The following WDR88 variants were observed in gnomAD, a reference collection of about 807,000 sequenced individuals.
WDR88 encodes WD repeat-containing protein 88.
A neutral mutation model predicts 46.8 loss-of-function variants in WDR88; 40 were observed. The observed-to-expected ratio is 0.86, with a 90% CI of 0.66 to 1.11. The LOEUF (loss-of-function observed/expected upper bound fraction) is 1.11, where lower values mean the gene tolerates loss of function less well. WDR88 is among the 50% of genes most tolerant of loss of function. The pLI, the probability that WDR88 is intolerant of heterozygous loss-of-function variation, is 0.00. For synonymous variants in WDR88, 235 were observed against 240.7 expected (o/e 0.98, Z 0.22); for missense variants, 562 against 602.4 (o/e 0.93, Z 0.70).
intron 8 of WDR88, 21 bp downstream of exon 8, chr19:33,160,517 A>AT: frequency 6.2e-7 from 1 of 1,613,538 alleles, no homozygotes; most frequent in Non-Finnish European, 8.5e-7. Flanking sequence ...CCAGCATGAG[A>AT]TTGAGGATCT....
At chr19:33,164,394 G>A (rs1973920823) in intron 9 of WDR88, 129 bp downstream of exon 9, 3 of 792,108 alleles carry the variant, frequency 3.8e-6, no homozygotes, top group Non-Finnish European at 4.4e-6. Context: ...TCGTGTTCAC[G>A]GAGCTGCCTG....
intron 8 of WDR88, among the ~76,000 whole-genome samples, chr19:33,160,854 T>C (rs967161960): frequency 1.3e-5 from 2 of 151,836 alleles, no homozygotes; most frequent in African/African-American, 4.8e-5. Context: ...AACCCTGAGG[T>C]GGGAGTGTCT....
chr19:33,137,459 G>A (rs554284931), intron 1 of WDR88, among the ~76,000 whole-genome samples: 2 of 151,998 alleles, frequency 1.3e-5, no homozygotes, highest in Admixed American at 6.6e-5. Flanking sequence ...TGCCATGTTG[G>A]CCAGGCTGGT....
intron 2 of WDR88, among the ~76,000 whole-genome samples, chr19:33,143,285 T>TA (rs1473150672): frequency 7.7e-6 from 1 of 129,880 alleles, no homozygotes; most frequent in African/African-American, 3.1e-5. Flanking sequence ...CAGTGAGCCA[T>TA]AATTGCACCA....
In WDR88 at chr19:33,132,285, C is replaced by T; in HGVS notation, c.116C>T (p.Ala39Val). Reference protein sequence around the residue: ...CPGKLSWGTMARALGRFKLSI... With the variant: ...CPGKLSWGTMVRALGRFKLSI... ...GGCAAGCTGTCCTGGGGGACCATGG[C>T]GAGGGCCTTAGGCCGCTTCAAGCTG... Residue 39 changes from alanine (A) to valine (V), a missense_variant, in exon 1 of 11, where the codon GCG becomes GTG. Transcript: ENST00000355868. The T allele has an allele frequency of 1.9e-6, 3 of 1,613,626 alleles. No homozygotes were observed. Among genetic ancestry groups the T allele is most frequent in the African/African-American group, 1.3e-5 (1 of 75,064 alleles).
intron 7 of WDR88, among the ~76,000 whole-genome samples, chr19:33,158,449 A>G (rs940683478): frequency 3.9e-5 from 6 of 152,166 alleles, no homozygotes; most frequent in African/African-American, 9.7e-5. Flanking sequence ...AAGAAAGAAA[A>G]AAAAAAGAAT....
chr19:33,162,629 A>C (rs906604940), intron 8 of WDR88, among the ~76,000 whole-genome samples: 1 of 152,122 alleles, frequency 6.6e-6, no homozygotes, highest in African/African-American at 2.4e-5. Context: ...AGGGCCTCTG[A>C]GGGGTATTTC....
At chr19:33,169,579 A>T (rs1389404850) in intron 9 of WDR88, among the ~76,000 whole-genome samples, 1 of 151,662 alleles carries the variant, frequency 6.6e-6, no homozygotes, top group African/African-American at 2.4e-5. Context: ...TAATAAAAGA[A>T]CTCAGAAAAT....
In WDR88 at chr19:33,164,262, C is replaced by G. The variant is rs562947644; in HGVS notation, c.1146C>G (p.Ser382=). The G allele has an allele frequency of 1.2e-6, 2 of 1,613,802 alleles. No homozygotes were observed. The highest frequency in any genetic ancestry group is 2.7e-5 in the African/African-American group (2 of 75,048). ...ACAAGAAATGGATCCTGTCTGCTTC[C>G]AAGGTAAAAGTGGTCAAGCTTACAA... ...SNNKKWILSA[S]KDRTMRLWNI... is the part of the protein sequence containing the mutation. The change falls in exon 9 of 11, where the codon TCC becomes TCG. Residue 382 remains serine (S), a synonymous_variant. Transcript: ENST00000355868.
chr19:33,152,610 T>C (rs930795004), intron 6 of WDR88, among the ~76,000 whole-genome samples: 4 of 152,150 alleles, frequency 2.6e-5, no homozygotes, highest in Admixed American at 2.6e-4. Flanking sequence ...TCATTCCTTT[T>C]TTTTCCTTTG....
At chr19:33,158,745 G>A (rs1599905921) in intron 7 of WDR88, among the ~76,000 whole-genome samples, 1 of 152,304 alleles carries the variant, frequency 6.6e-6, no homozygotes, top group East Asian at 1.9e-4. Flanking sequence ...TGTTGCCCAG[G>A]CTGGAGCGCA....
chr19:33,167,166 C>T (rs1380989521), intron 9 of WDR88, among the ~76,000 whole-genome samples: 1 of 151,910 alleles, frequency 6.6e-6, no homozygotes, highest in African/African-American at 2.4e-5. Context: ...ATATGCTCAA[C>T]ATAATATTGG....
chr19:33,163,609 C>T (rs1230648581), intron 8 of WDR88, among the ~76,000 whole-genome samples: 6 of 151,366 alleles, frequency 4.0e-5, no homozygotes, highest in South Asian at 2.1e-4. Context: ...TTGATGAAAC[C>T]GAGGAAGTAC....
intron 4 of WDR88, among the ~76,000 whole-genome samples, 187 bp from the exon 5 acceptor site, chr19:33,148,585 C>T (rs949705846): frequency 6.6e-5 from 10 of 152,042 alleles, no homozygotes; most frequent in African/African-American, 9.7e-5. Flanking sequence ...GGACTACAGG[C>T]GAGCACCGCC....
intron 6 of WDR88, among the ~76,000 whole-genome samples, chr19:33,155,420 C>T (rs1424486295): frequency 1.3e-5 from 2 of 152,176 alleles, no homozygotes; most frequent in Admixed American, 6.6e-5. Context: ...GGATTATAGG[C>T]ATGAGCCACT....
intron 3 of WDR88, among the ~76,000 whole-genome samples, chr19:33,147,216 G>A (rs1973536786): frequency 6.6e-6 from 1 of 151,694 alleles, no homozygotes; most frequent in African/African-American, 2.4e-5. Flanking sequence ...CAGCGTGGAT[G>A]ACAGAGTGAC....
intron 7 of WDR88, 74 bp downstream of exon 7, chr19:33,156,616 T>C (rs1973740876): frequency 2.7e-6 from 4 of 1,490,418 alleles, no homozygotes; most frequent in Non-Finnish European, 3.6e-6. Flanking sequence ...TCCGTTCAAA[T>C]GGACAGAGAG....
At chr19:33,134,228 G>C (rs1973202254) in intron 1 of WDR88, among the ~76,000 whole-genome samples, 1 of 152,170 alleles carries the variant, frequency 6.6e-6, no homozygotes, top group Non-Finnish European at 1.5e-5. Context: ...GAGAGCCCCA[G>C]AAAAGCCTGT....
In WDR88 at chr19:33,137,873, C is replaced by T. The variant is rs1327349203; in HGVS notation, c.387+86C>T. 5.4e-6 allele frequency: 6 copies of T among 1,109,348 alleles called. No homozygotes were observed. In the East Asian group the frequency reaches 1.5e-4, roughly 28 times the overall value. 68.7% of individuals were successfully genotyped at this position (1,109,348 alleles called of 1,614,324 possible). A position where few individuals can be genotyped will look rare whatever the true frequency, so the allele number is the denominator to read the frequency against. ...CTGTGTCGAGTTCCCCAGCACTGAA[C>T]TCACAGGCACTTGTGGGTCCTGGTT... On this transcript the variant is annotated intron_variant, in intron 2 of 10. Transcript: ENST00000355868.
Sources: allele counts gnomAD v4.1 joint callset (sites outside exome capture counted in the v4.1 genomes callset), GRCh38; gene constraint gnomAD v4.1.1; transcripts MANE v1.5; gene names NCBI Gene and HGNC (gene_info 2026-07-23, HGNC 2026-07-21).